Variants in RANBP2 observed in about 807,000 individuals in gnomAD.
RANBP2 encodes the protein E3 SUMO-protein ligase RanBP2.
In RANBP2, 57 loss-of-function variants were observed where a neutral mutation model predicts 303.6. The observed-to-expected ratio is 0.19, with a 90% CI of 0.15 to 0.23. The LOEUF (loss-of-function observed/expected upper bound fraction) is 0.23. Among genes scored for constraint, RANBP2 ranks in the 10% least tolerant of loss-of-function variants. The pLI is 1.00. For missense variants in RANBP2, 3,138 were observed against 3,780.8 expected (o/e 0.83, Z 4.46); for synonymous variants, 1,167 against 1,301.5 (o/e 0.90, Z 2.23).
At chr2:109,090,389 TGCAAAGAGCC>T in the RANBP2 span, among the ~76,000 whole-genome samples, 1 of 150,754 alleles carries the variant, frequency 6.6e-6, no homozygotes, top group Non-Finnish European at 1.5e-5. Context: ...GAATATTAAG[TGCAAAGAGCC>T]TATGAAAAGT....
the RANBP2 span, among the ~76,000 whole-genome samples, chr2:109,162,697 G>A: frequency 1.3e-5 from 2 of 152,350 alleles, no homozygotes; most frequent in Admixed American, 6.5e-5. Context: ...ACGTGTGCAT[G>A]TGTCTTTATA....
At chr2:109,575,294 A>C in the RANBP2 span, among the ~76,000 whole-genome samples, 1 of 152,260 alleles carries the variant, frequency 6.6e-6, no homozygotes, top group Admixed American at 6.5e-5. Flanking sequence ...ATGCATAGGC[A>C]TCAATAACTC....
the RANBP2 span, among the ~76,000 whole-genome samples, chr2:109,198,076 G>T: frequency 6.6e-6 from 1 of 152,156 alleles, no homozygotes; most frequent in African/African-American, 2.4e-5. Flanking sequence ...TGTCAGTTGG[G>T]GGTGCTCGGG....
Position 108,782,536 on chromosome 2 carries a change from G to A in RANBP2, c.9043G>A (p.Ala3015Thr). 1 of 1,614,112 alleles carries A rather than the reference G, an allele frequency of 6.2e-7. No homozygotes were observed. Among genetic ancestry groups the A allele is most frequent in the Non-Finnish European group, 8.5e-7 (1 of 1,180,008 alleles). The change falls in exon 28 of 29, where the codon GCA becomes ACA. Residue 3015 changes from alanine (A) to threonine (T), a missense_variant. By Grantham distance (58) the Ala-to-Thr change is moderately conservative. Coordinates refer to ENST00000283195, the MANE Select transcript of RANBP2 (RefSeq NM_006267.5). ...WTASDYADGE[A>T]KVEQLAVRFK... The stretch of plus-strand genomic sequence containing the variant: ...CTTTCCCTCCCTGCCAGATGGAGAA[G>A]CAAAAGTAGAACAGCTTGCAGTGAG...
the RANBP2 span, among the ~76,000 whole-genome samples, chr2:109,452,670 G>T: frequency 6.6e-6 from 1 of 152,224 alleles, no homozygotes; most frequent in African/African-American, 2.4e-5. Flanking sequence ...CCAGCTCTGT[G>T]TTGTGTGGTG....
chr2:109,760,170 G>A, the RANBP2 span: 8 of 141,218 alleles, frequency 5.7e-5, no homozygotes, highest in African/African-American at 1.8e-4. Context: ...TGGGGAAGGT[G>A]CATTCCTTAG....
the RANBP2 span, among the ~76,000 whole-genome samples, chr2:109,589,679 G>C: frequency 6.6e-6 from 1 of 152,152 alleles, no homozygotes; most frequent in South Asian, 2.1e-4. Flanking sequence ...TGGTACAGTT[G>C]CTTTGGAAAC....
chr2:109,391,236 T>A, the RANBP2 span, among the ~76,000 whole-genome samples: 4 of 152,248 alleles, frequency 2.6e-5, no homozygotes, highest in Admixed American at 6.5e-5. Context: ...TAAACTTCAG[T>A]TATCCGAATA....
the RANBP2 span, among the ~76,000 whole-genome samples, chr2:108,917,201 T>C: frequency 1.3e-5 from 2 of 152,100 alleles, no homozygotes; most frequent in African/African-American, 4.8e-5. Flanking sequence ...GCACAGCTGT[T>C]TCATAAAAGC....
the RANBP2 span, chr2:109,545,477 C>T: frequency 1.6e-5 from 24 of 1,536,130 alleles, no homozygotes; most frequent in South Asian, 1.2e-4. Flanking sequence ...TGCGTCTTTA[C>T]GTCCACCATT....
chr2:109,461,890 A>G, the RANBP2 span, among the ~76,000 whole-genome samples: 1 of 152,138 alleles, frequency 6.6e-6, no homozygotes, highest in African/African-American at 2.4e-5. Context: ...TAATACACCC[A>G]TCTGAGGAGG....
chr2:109,253,283 T>C, the RANBP2 span, among the ~76,000 whole-genome samples: 1 of 152,212 alleles, frequency 6.6e-6, no homozygotes, highest in Non-Finnish European at 1.5e-5. Flanking sequence ...CCTCCCAAAG[T>C]GCTGGGATTG....
the RANBP2 span, among the ~76,000 whole-genome samples, chr2:109,653,497 C>G: frequency 6.6e-6 from 1 of 152,056 alleles, no homozygotes; most frequent in African/African-American, 2.4e-5. Context: ...CTGCTAGGCG[C>G]TGCTGTAGCT....
chr2:108,754,173 G>A (rs1044817976), intron 15 of RANBP2, among the ~76,000 whole-genome samples: 34 of 152,032 alleles, frequency 2.2e-4, no homozygotes, highest in African/African-American at 7.2e-4. Context: ...GGGAATCTAG[G>A]TATATGCTCT....
the RANBP2 span, among the ~76,000 whole-genome samples, chr2:109,515,336 C>G: frequency 7.2e-5 from 11 of 152,146 alleles, no homozygotes; most frequent in African/African-American, 2.7e-4. Flanking sequence ...GAGAAGGGGG[C>G]CTGCAGGCTG....
chr2:108,836,775 C>T, the RANBP2 span, among the ~76,000 whole-genome samples: 1 of 151,818 alleles, frequency 6.6e-6, no homozygotes, highest in Non-Finnish European at 1.5e-5. Context: ...AAGTTTTTTA[C>T]CTCCTTGCTT....
chr2:108,784,090 T>C lies in RANBP2; in HGVS notation c.*189T>C, dbSNP rs998930360. The stretch of plus-strand genomic sequence containing the variant: ...GACCTTGCATGGTGTGAAATAAAAG[T>C]TTAAACACTGGTGTATTTCAGGTGT... On this transcript the variant is annotated 3_prime_UTR_variant, in exon 29 of 29. Coordinates refer to ENST00000283195, the MANE Select transcript of RANBP2 (RefSeq NM_006267.5). 1.2e-5 allele frequency: 7 copies of C among 588,208 alleles called. No individual in the cohort carries two copies. The highest frequency in any genetic ancestry group is 1.9e-5 in the African/African-American group (1 of 53,746). The allele number at this position is 588,208 out of a possible 1,614,324, so 36.4% of individuals were successfully genotyped here.
chr2:108,821,095 C>T, the RANBP2 span, among the ~76,000 whole-genome samples: 2 of 152,156 alleles, frequency 1.3e-5, no homozygotes, highest in South Asian at 4.1e-4. Flanking sequence ...CGGTGGCTCA[C>T]GCCTGTAATC....
chr2:108,726,727 C>G (rs1694742014), intron 1 of RANBP2, among the ~76,000 whole-genome samples: 1 of 151,290 alleles, frequency 6.6e-6, no homozygotes, highest in South Asian at 2.1e-4. Flanking sequence ...GGAAGGTCAG[C>G]AGATAAACAA....
Sources: gnomAD v4.1 joint callset for allele counts (sites outside exome capture counted in the v4.1 genomes callset) on GRCh38, gnomAD v4.1.1 for gene constraint, MANE v1.5 for transcripts, NCBI Gene and HGNC (gene_info 2026-07-23, HGNC 2026-07-21) for gene names.